The following CAMK1D variants were observed in gnomAD, a reference collection of about 807,000 sequenced individuals.
CAMK1D encodes the protein calcium/calmodulin dependent protein kinase ID.
CAMK1D carries 9 observed loss-of-function variants against 47.7 expected under a neutral mutation model. The observed-to-expected ratio is 0.19, with a 90% CI of 0.11 to 0.33. CAMK1D has a LOEUF of 0.33. Ranked by LOEUF, CAMK1D falls within the 10% of genes least tolerant of loss-of-function variation. The pLI is 1.00. For missense variants in CAMK1D, 291 were observed against 488.7 expected (o/e 0.60, Z 3.81); for synonymous variants, 184 against 184.9 (o/e 0.99, Z 0.04).
At chr10:12,534,997 G>A (rs1303650784) in intron 1 of CAMK1D, among the ~76,000 whole-genome samples, 1 of 152,210 alleles carries the variant, frequency 6.6e-6, no homozygotes, top group African/African-American at 2.4e-5. Context: ...CTGTGCCTGG[G>A]AAGAGAAGGA....
intron 2 of CAMK1D, among the ~76,000 whole-genome samples, chr10:12,554,180 C>G (rs1397561328): frequency 6.6e-6 from 1 of 151,054 alleles, no homozygotes; most frequent in African/African-American, 2.4e-5. Context: ...CCTTTCCTGA[C>G]AGAATCTCGC....
intron 3 of CAMK1D, among the ~76,000 whole-genome samples, chr10:12,676,205 C>G (rs1288837053): frequency 1.3e-5 from 2 of 152,194 alleles, no homozygotes; most frequent in African/African-American, 2.4e-5. Context: ...CCTCTTGCCT[C>G]TACCTCCCAG....
chr10:12,554,343 T>C (rs1419203360), intron 2 of CAMK1D, among the ~76,000 whole-genome samples: 1 of 130,510 alleles, frequency 7.7e-6, no homozygotes, highest in Non-Finnish European at 1.8e-5. Context: ...TTTGTAGAGA[T>C]GAGGTTTCTC....
chr10:12,758,807 G>A (rs1305345413), intron 3 of CAMK1D, among the ~76,000 whole-genome samples: 4 of 152,152 alleles, frequency 2.6e-5, no homozygotes, highest in African/African-American at 9.7e-5. Context: ...AGGGGTAAGC[G>A]TTCTTGCCAG....
At chr10:12,532,854 A>C (rs1002808944) in intron 1 of CAMK1D, among the ~76,000 whole-genome samples, 4 of 151,314 alleles carry the variant, frequency 2.6e-5, no homozygotes, top group South Asian at 2.1e-4. Flanking sequence ...AAAGACAAAC[A>C]TCGCATGTTC....
chr10:12,438,780 A>G (rs78626292), intron 1 of CAMK1D, among the ~76,000 whole-genome samples: 1,655 of 152,270 alleles, frequency 0.011, 22 homozygotes, highest in African/African-American at 0.038. Context: ...CTTAGAGGAA[A>G]CCTTTGCTTT....
intron 1 of CAMK1D, among the ~76,000 whole-genome samples, chr10:12,536,160 C>T (rs1167261044): frequency 6.6e-6 from 1 of 151,724 alleles, no homozygotes; most frequent in Non-Finnish European, 1.5e-5. Context: ...AATAAGTGAA[C>T]AGATTACCAT....
chr10:12,422,912 A>G (rs1840106536), intron 1 of CAMK1D, among the ~76,000 whole-genome samples: 1 of 151,882 alleles, frequency 6.6e-6, no homozygotes, highest in African/African-American at 2.4e-5. Flanking sequence ...ACCTCAAGTG[A>G]TTTGCCTGCC....
In CAMK1D at chr10:12,825,568, T is replaced by G; in HGVS notation, c.922-5T>G. 1.2e-6 allele frequency: 2 copies of G among 1,601,434 alleles called. No individual in the cohort carries two copies. Among genetic ancestry groups the G allele is most frequent in the Non-Finnish European group, 1.7e-6 (2 of 1,175,758 alleles). ...TGTCTGCTTTTTTCCTTTCTGAAAT[T>G]TCAGCAAGCATTTAATGCCACGGCC... is the stretch of plus-strand genomic sequence containing the variant. On this transcript the variant is annotated splice_polypyrimidine_tract_variant and splice_region_variant and intron_variant, in intron 9 of 10. Transcript: ENST00000619168.
intron 5 of CAMK1D, among the ~76,000 whole-genome samples, chr10:12,786,465 A>T (rs1181868486): frequency 6.6e-6 from 1 of 152,190 alleles, no homozygotes; most frequent in Admixed American, 6.5e-5. Flanking sequence ...TGTCATCCTG[A>T]TATTTACTTG....
intron 1 of CAMK1D, among the ~76,000 whole-genome samples, chr10:12,395,763 TG>T (rs1445944148): frequency 3.3e-5 from 5 of 149,794 alleles, no homozygotes; most frequent in Non-Finnish European, 5.9e-5. Context: ...GCCATCTCTA[TG>T]AAAAATACAA....
chr10:12,412,493 C>T (rs1269367143), intron 1 of CAMK1D, among the ~76,000 whole-genome samples: 2 of 148,822 alleles, frequency 1.3e-5, no homozygotes, highest in African/African-American at 2.5e-5. Flanking sequence ...CGTGGCGGCA[C>T]ATGCCTGTAA....
intron 2 of CAMK1D, among the ~76,000 whole-genome samples, chr10:12,634,306 TA>T (rs1839456310): frequency 6.6e-6 from 1 of 151,864 alleles, no homozygotes; most frequent in Non-Finnish European, 1.5e-5. Context: ...GAGAAGAAAA[TA>T]AAACCAAAAA....
chr10:12,586,824 G>T (rs1356935141), intron 2 of CAMK1D, among the ~76,000 whole-genome samples: 2 of 152,176 alleles, frequency 1.3e-5, no homozygotes, highest in African/African-American at 4.8e-5. Flanking sequence ...GTAAATAAAT[G>T]AAAGCAAACC....
rs189872905 is a variant in CAMK1D at position 12,834,820 on chromosome 10, T to G, written c.*5933T>G. On this transcript the variant is annotated 3_prime_UTR_variant, in exon 11 of 11. Coordinates refer to ENST00000619168, the MANE Select transcript of CAMK1D (RefSeq NM_153498.4). ...AATCTTAATCTAGACAGATTCAGATTCCCAGGCTCTCCTGGAAGCCCTGCA... is the reference window on the plus strand; with the variant it reads ...AATCTTAATCTAGACAGATTCAGATGCCCAGGCTCTCCTGGAAGCCCTGCA... 6.6e-6 allele frequency: 1 copy of G among 152,270 alleles called. No individual in the cohort carries two copies. The highest frequency in any genetic ancestry group is 1.9e-4 in the East Asian group (1 of 5,162). The allele number at this position is 152,270 out of a possible 1,614,324, so 9.4% of individuals were successfully genotyped here. A position where few individuals can be genotyped will look rare whatever the true frequency, so the allele number is the denominator to read the frequency against.
intron 1 of CAMK1D, among the ~76,000 whole-genome samples, chr10:12,430,042 G>T (rs1350662308): frequency 6.6e-6 from 1 of 151,798 alleles, no homozygotes; most frequent in African/African-American, 2.4e-5. Context: ...CTGTTTTCCA[G>T]CCTTCTGATT....
chr10:12,606,150 C>A lies in CAMK1D; in HGVS notation c.224+52794C>A, dbSNP rs17151973. Among the ~76,000 whole-genome samples the A allele has an allele frequency of 1.6e-4, 25 of 152,162 alleles. No individual in the cohort carries two copies. The East Asian group carries it at 4.3e-3, about 26-fold the overall frequency. ...ATAACCGTTTCCTTTGAGTTAACAA[C>A]GCAGGTGCCGTCATCCTCCTGTGAG... On this transcript the variant is annotated intron_variant, in intron 2 of 10. Coordinates refer to ENST00000619168, the MANE Select transcript of CAMK1D (RefSeq NM_153498.4).
intron 1 of CAMK1D, among the ~76,000 whole-genome samples, chr10:12,488,281 C>G (rs1248236692): frequency 1.3e-5 from 2 of 152,114 alleles, no homozygotes; most frequent in Non-Finnish European, 2.9e-5. Context: ...ACACTCAGTG[C>G]TTCCCCTGTG....
intron 1 of CAMK1D, among the ~76,000 whole-genome samples, chr10:12,500,130 G>A (rs1287546420): frequency 6.6e-6 from 1 of 152,210 alleles, no homozygotes; most frequent in Admixed American, 6.5e-5. Context: ...GCTGGGCGTA[G>A]TGGAGGGTGC....
Sources: gnomAD v4.1 joint callset for allele counts (sites outside exome capture counted in the v4.1 genomes callset) on GRCh38, gnomAD v4.1.1 for gene constraint, MANE v1.5 for transcripts, NCBI Gene and HGNC (gene_info 2026-07-23, HGNC 2026-07-21) for gene names.